The following KSR2 variants were observed in gnomAD, a reference collection of about 807,000 sequenced individuals.
The protein encoded by KSR2 is kinase suppressor of ras 2.
Under a neutral mutation model 107.8 loss-of-function variants are expected in KSR2, and 25 were observed. The ratio of observed to expected loss-of-function variants is 0.23; its 90% CI spans 0.17 to 0.32. The LOEUF (loss-of-function observed/expected upper bound fraction) is 0.32. Ranked by LOEUF, KSR2 falls within the 10% of genes least tolerant of loss-of-function variation. The pLI is 1.00. For synonymous variants in KSR2, 480 were observed against 507.0 expected (o/e 0.95, Z 0.71); for missense variants, 887 against 1,268.9 (o/e 0.70, Z 4.57).
intron 3 of KSR2, among the ~76,000 whole-genome samples, chr12:117,773,617 T>C (rs538130590): frequency 2.0e-5 from 3 of 152,208 alleles, no homozygotes; most frequent in African/African-American, 7.2e-5. Flanking sequence ...GTAACTTTTG[T>C]GAATACTTCA....
intron 1 of KSR2, among the ~76,000 whole-genome samples, chr12:117,928,449 G>A (rs1479409368): frequency 6.6e-6 from 1 of 152,192 alleles, no homozygotes; most frequent in South Asian, 2.1e-4. Context: ...CTCCCAAAGT[G>A]CTGGGATTAC....
chr12:117,626,597 C>T lies in KSR2; in HGVS notation c.1171+40877G>A, dbSNP rs1882529989. ...GTTTGTTGTGATTTCTGTTCTTTTACATTTGCTAAGGAGTGCTTTACTTCC... is the reference window on the plus strand; with the variant it reads ...GTTTGTTGTGATTTCTGTTCTTTTATATTTGCTAAGGAGTGCTTTACTTCC... On this transcript the variant is annotated intron_variant, in intron 5 of 19. Transcript: ENST00000339824. Among the ~76,000 whole-genome samples, 7 of 152,294 alleles carry T rather than the reference C, an allele frequency of 4.6e-5. No individual in the cohort carries two copies. The South Asian group carries it at 1.5e-3, about 32-fold the overall frequency.
chr12:117,906,284 C>A (rs1393878317), intron 1 of KSR2, among the ~76,000 whole-genome samples: 1 of 142,354 alleles, frequency 7.0e-6, no homozygotes. Flanking sequence ...ACCTGGGAGG[C>A]AGAGGTTGTG....
intron 5 of KSR2, among the ~76,000 whole-genome samples, chr12:117,660,070 T>A (rs1469615785): frequency 6.6e-6 from 1 of 152,144 alleles, no homozygotes; most frequent in Non-Finnish European, 1.5e-5. Flanking sequence ...ACCCAGTAGG[T>A]ATCTCAGAGG....
rs978100363 is a variant in KSR2 at position 117,460,714 on chromosome 12, G to T, written c.*6485C>A. On this transcript the variant is annotated 3_prime_UTR_variant, in exon 20 of 20. Transcript: ENST00000339824. ...TGGACATGAACCCCTTGACCTGGAG[G>T]TGGGTTCCTGGGAATGGATGAGCCC... The T allele has an allele frequency of 6.6e-6, 1 of 152,176 alleles. No homozygotes were observed. The highest frequency in any genetic ancestry group is 1.5e-5 in the Non-Finnish European group (1 of 68,056). 9.4% of individuals were successfully genotyped at this position (152,176 alleles called of 1,614,324 possible). A position where few individuals can be genotyped will look rare whatever the true frequency, so the allele number is the denominator to read the frequency against.
intron 3 of KSR2, among the ~76,000 whole-genome samples, chr12:117,813,964 C>A (rs1891287187): frequency 6.6e-6 from 1 of 152,132 alleles, no homozygotes; most frequent in Admixed American, 6.5e-5. Context: ...TGAAATCCTG[C>A]CATCTGTGGC....
At chr12:117,471,625 A>T (rs546702700) in intron 17 of KSR2, among the ~76,000 whole-genome samples, 2 of 152,302 alleles carry the variant, frequency 1.3e-5, no homozygotes, top group African/African-American at 4.8e-5. Flanking sequence ...GGGATACAAA[A>T]ATTTATTTAT....
At chr12:117,699,936 G>T (rs586410) in intron 4 of KSR2, among the ~76,000 whole-genome samples, 1 of 151,602 alleles carries the variant, frequency 6.6e-6, no homozygotes, top group Non-Finnish European at 1.5e-5. Context: ...GCAGTGGCGC[G>T]ACCTTGGCTC....
intron 4 of KSR2, among the ~76,000 whole-genome samples, chr12:117,742,532 G>GTGGATGGATGGATGGATGGGTGGA (rs1555234084): frequency 2.7e-5 from 4 of 149,462 alleles, no homozygotes; most frequent in East Asian, 3.9e-4. Context: ...GGATGGATGG[G>GTGGATGGATGGATGGATGGGTGGA]TGGATGGATG....
intron 14 of KSR2, among the ~76,000 whole-genome samples, chr12:117,520,633 T>C (rs1874695329): frequency 6.6e-6 from 1 of 152,234 alleles, no homozygotes; most frequent in Non-Finnish European, 1.5e-5. Context: ...CCTTAAACTG[T>C]CGTTGCCTTT....
At chr12:117,579,569 C>T (rs1231754957) in intron 6 of KSR2, among the ~76,000 whole-genome samples, 1 of 152,178 alleles carries the variant, frequency 6.6e-6, no homozygotes, top group Non-Finnish European at 1.5e-5. Context: ...TGGTGGCCTA[C>T]TATATGCCAA....
chr12:117,851,075 TAAG>T (rs2137206045), intron 3 of KSR2, among the ~76,000 whole-genome samples: 1 of 152,310 alleles, frequency 6.6e-6, no homozygotes, highest in Non-Finnish European at 1.5e-5. Context: ...AATTCTTTAC[TAAG>T]AAGTCTGAGT....
chr12:117,800,844 C>T (rs1244990041), intron 3 of KSR2, among the ~76,000 whole-genome samples: 1 of 151,798 alleles, frequency 6.6e-6, no homozygotes, highest in African/African-American at 2.4e-5. Context: ...AGTGAGAACA[C>T]GTGGTGTTTG....
intron 9 of KSR2, among the ~76,000 whole-genome samples, chr12:117,544,026 T>C (rs1452481134): frequency 1.3e-5 from 2 of 152,318 alleles, no homozygotes; most frequent in South Asian, 2.1e-4. Flanking sequence ...CCTTCCAGTA[T>C]ACCCTCATCT....
intron 1 of KSR2, among the ~76,000 whole-genome samples, chr12:117,927,563 C>A (rs148734736): frequency 1.3e-5 from 2 of 151,732 alleles, no homozygotes; most frequent in African/African-American, 4.8e-5. Flanking sequence ...TGTGGTGGCA[C>A]GAGCCTGTAA....
At chr12:117,744,435 A>G (rs2136796530) in intron 4 of KSR2, among the ~76,000 whole-genome samples, 1 of 152,178 alleles carries the variant, frequency 6.6e-6, no homozygotes, top group East Asian at 1.9e-4. Context: ...TGGCTGGTAG[A>G]CATAAGCCTT....
chr12:117,538,867 A>G (rs1256483023), intron 10 of KSR2, among the ~76,000 whole-genome samples: 1 of 152,224 alleles, frequency 6.6e-6, no homozygotes, highest in Non-Finnish European at 1.5e-5. Flanking sequence ...AGCCAGCTGC[A>G]GTGCCATAAA....
chr12:117,717,407 C>T (rs7980806), intron 4 of KSR2, among the ~76,000 whole-genome samples: 68,176 of 151,854 alleles, frequency 0.45, 15,898 homozygotes, highest in African/African-American at 0.57. Flanking sequence ...TGATCCCAAC[C>T]ACTCAGGAGG....
chr12:117,514,195 AG>A (rs1367583929), intron 14 of KSR2, among the ~76,000 whole-genome samples: 1 of 152,252 alleles, frequency 6.6e-6, no homozygotes, highest in Non-Finnish European at 1.5e-5. Flanking sequence ...TCATTTCCAA[AG>A]GCCTGCCAAC....
Sources: allele counts gnomAD v4.1 joint callset (sites outside exome capture counted in the v4.1 genomes callset), GRCh38; gene constraint gnomAD v4.1.1; transcripts MANE v1.5; gene names NCBI Gene and HGNC (gene_info 2026-07-23, HGNC 2026-07-21).